The following TMEM117 variants were observed in gnomAD, a reference collection of about 807,000 sequenced individuals.
The protein encoded by TMEM117 is transmembrane protein 117.
Under a neutral mutation model 52.4 loss-of-function variants are expected in TMEM117, and 27 were observed. The observed-to-expected ratio is 0.51, with a 90% CI of 0.38 to 0.71. TMEM117 has a LOEUF of 0.71. Among genes scored for constraint, TMEM117 ranks in the 30% least tolerant of loss-of-function variants. TMEM117 has a pLI of 0.00. For missense variants in TMEM117, 556 were observed against 630.5 expected, an observed-to-expected ratio of 0.88 and a Z score of 1.26; for synonymous variants, 215 against 206.3, an observed-to-expected ratio of 1.04 and a Z score of -0.36.
intron 3 of TMEM117, among the ~76,000 whole-genome samples, chr12:44,080,874 G>C (rs1221517801): frequency 6.6e-6 from 1 of 152,176 alleles, no homozygotes; most frequent in Non-Finnish European, 1.5e-5. Context: ...AGTTGTAACA[G>C]AGACTATCTC....
chr12:44,185,522 C>T (rs775958236), intron 4 of TMEM117, among the ~76,000 whole-genome samples: 2 of 152,116 alleles, frequency 1.3e-5, no homozygotes, highest in African/African-American at 2.4e-5. Flanking sequence ...AAGCAAAAAT[C>T]GTTAGGAAAA....
At chr12:44,332,712 TACACACACACACACAC>T (rs34633299) in intron 6 of TMEM117, among the ~76,000 whole-genome samples, 3 of 143,134 alleles carry the variant, frequency 2.1e-5, no homozygotes, top group Non-Finnish European at 3.1e-5. Context: ...CTACTGTTAC[TACACACACACACACAC>T]ACACACACAC....
chr12:44,295,784 C>T (rs983285682), intron 5 of TMEM117, among the ~76,000 whole-genome samples: 2 of 151,658 alleles, frequency 1.3e-5, no homozygotes, highest in African/African-American at 2.4e-5. Context: ...CATTGATCTT[C>T]TTTAATATGA....
At chr12:44,313,261 A>T (rs1284617798) in intron 6 of TMEM117, among the ~76,000 whole-genome samples, 4 of 152,154 alleles carry the variant, frequency 2.6e-5, no homozygotes, top group Non-Finnish European at 5.9e-5. Context: ...TAAATCTTTA[A>T]TCCCATCTTG....
At chr12:44,319,364 T>C (rs1258464407) in intron 6 of TMEM117, among the ~76,000 whole-genome samples, 2 of 152,146 alleles carry the variant, frequency 1.3e-5, no homozygotes, top group Non-Finnish European at 2.9e-5. Context: ...ATGCTCTTTC[T>C]TGTCCTGGGT....
chr12:43,806,199 G>T, the TMEM117 span: 4 of 1,537,906 alleles, frequency 2.6e-6, no homozygotes, highest in Non-Finnish European at 1.7e-6. Flanking sequence ...CCTTCCCTGC[G>T]AGTCGCGCCG....
At chr12:43,954,873 A>C (rs1275465529) in intron 3 of TMEM117, among the ~76,000 whole-genome samples, 1 of 152,250 alleles carries the variant, frequency 6.6e-6, no homozygotes, top group African/African-American at 2.4e-5. Flanking sequence ...CATTCATGCA[A>C]AAATTCACAA....
At chr12:44,225,428 A>G (rs913624299) in intron 5 of TMEM117, among the ~76,000 whole-genome samples, 41 of 152,206 alleles carry the variant, frequency 2.7e-4, no homozygotes, top group African/African-American at 9.4e-4. Flanking sequence ...TTAAAAGAAC[A>G]GCATGTTGCC....
intron 3 of TMEM117, among the ~76,000 whole-genome samples, chr12:43,951,452 A>G (rs1156796441): frequency 1.3e-5 from 2 of 152,112 alleles, no homozygotes; most frequent in Admixed American, 1.3e-4. Context: ...TCAAGTTGCC[A>G]GGGGGAGGGG....
chr12:44,261,013 A>G (rs1183388274), intron 5 of TMEM117, among the ~76,000 whole-genome samples: 1 of 152,238 alleles, frequency 6.6e-6, no homozygotes, highest in African/African-American at 2.4e-5. Flanking sequence ...TGTCCTTTAC[A>G]GGACATTATC....
At chr12:43,812,859 CAAA>C in the TMEM117 span, among the ~76,000 whole-genome samples, 25 of 111,242 alleles carry the variant, frequency 2.2e-4, no homozygotes, top group African/African-American at 8.2e-4. Context: ...ACAAAAAGTA[CAAA>C]AAAAAAAAAA....
chr12:44,373,114 C>G (rs1951887157), intron 6 of TMEM117, among the ~76,000 whole-genome samples: 1 of 152,104 alleles, frequency 6.6e-6, no homozygotes, highest in South Asian at 2.1e-4. Flanking sequence ...AATTTATAAC[C>G]CAAATGTCCA....
intron 1 of TMEM117, among the ~76,000 whole-genome samples, chr12:43,841,783 A>T (rs1041125552): frequency 6.6e-6 from 1 of 152,202 alleles, no homozygotes; most frequent in Non-Finnish European, 1.5e-5. Flanking sequence ...ACTTTGGGCC[A>T]GTTACAAAGT....
At chr12:44,115,352 G>C (rs1301484189) in intron 3 of TMEM117, among the ~76,000 whole-genome samples, 5 of 152,102 alleles carry the variant, frequency 3.3e-5, no homozygotes, top group Non-Finnish European at 7.4e-5. Context: ...AGATATACCT[G>C]ATGTAAATGT....
chr12:43,948,721 G>A (rs535469552), intron 3 of TMEM117, among the ~76,000 whole-genome samples: 7 of 152,260 alleles, frequency 4.6e-5, no homozygotes, highest in African/African-American at 1.7e-4. Flanking sequence ...CAAGGTGGCA[G>A]ACTAGGTAAC....
chr12:44,225,288 A>G (rs576705495), intron 5 of TMEM117, among the ~76,000 whole-genome samples: 125 of 152,286 alleles, frequency 8.2e-4, no homozygotes, highest in Middle Eastern at 3.4e-3. Flanking sequence ...AATGAAATGA[A>G]ATTTGAGTAT....
At chr12:44,010,602 G>A (rs574004517) in intron 3 of TMEM117, among the ~76,000 whole-genome samples, 3 of 151,986 alleles carry the variant, frequency 2.0e-5, no homozygotes, top group Non-Finnish European at 4.4e-5. Flanking sequence ...TGCCTTTTGT[G>A]GTTTAAATTA....
chr12:43,810,622 A>G, the TMEM117 span, among the ~76,000 whole-genome samples: 1 of 152,184 alleles, frequency 6.6e-6, no homozygotes, highest in Non-Finnish European at 1.5e-5. Context: ...ATTTTTTAAA[A>G]TAAATTCAAG....
chr12:44,105,857 G>A (rs1381746097), intron 3 of TMEM117, among the ~76,000 whole-genome samples: 1 of 152,036 alleles, frequency 6.6e-6, no homozygotes, highest in Non-Finnish European at 1.5e-5. Flanking sequence ...ATTCCAAAAG[G>A]AGTGTTTTCC....
Sources: gnomAD v4.1 joint callset for allele counts (sites outside exome capture counted in the v4.1 genomes callset) on GRCh38, gnomAD v4.1.1 for gene constraint, MANE v1.5 for transcripts, NCBI Gene and HGNC (gene_info 2026-07-23, HGNC 2026-07-21) for gene names.